The following SERINC3 variants were observed in gnomAD, a reference collection of about 807,000 sequenced individuals.
SERINC3 encodes tumor differentially expressed protein 1.
A neutral mutation model predicts 52.1 loss-of-function variants in SERINC3; 22 were observed. The observed-to-expected ratio is 0.42, with a 90% CI of 0.30 to 0.60. SERINC3 has a LOEUF of 0.60. SERINC3 is among the 20% of genes least tolerant of loss of function. SERINC3 has a pLI of 0.16. For missense variants in SERINC3, 564 were observed against 584.6 expected (o/e 0.96, Z 0.36); for synonymous variants, 226 against 212.7 (o/e 1.06, Z -0.54).
rs1401582560 is a variant in SERINC3, at chr20:44,512,733, A to G, written c.395+68T>C. 5 of 1,244,470 alleles carry G rather than the reference A, an allele frequency of 4.0e-6. No individual in the cohort carries two copies. The South Asian group carries it at 7.6e-5, about 19-fold the overall frequency. 77.1% of individuals were successfully genotyped at this position (1,244,470 alleles called of 1,614,324 possible). ...TTCCATTGATTTCATCAGAATGGCT[A>G]TATTAACTGCTGAAGGGAAGGAAGA... On this transcript the variant is annotated intron_variant, in intron 3 of 9. Transcript: ENST00000342374.
At chr20:44,508,423 G>GT (rs2064328102) in intron 5 of SERINC3, among the ~76,000 whole-genome samples, 1 of 151,770 alleles carries the variant, frequency 6.6e-6, no homozygotes, top group South Asian at 2.1e-4. Flanking sequence ...CTTGAGCCAG[G>GT]AAGGCAGAGG....
intron 1 of SERINC3, among the ~76,000 whole-genome samples, chr20:44,514,982 A>G (rs992357361): frequency 1.3e-5 from 2 of 152,234 alleles, no homozygotes; most frequent in Non-Finnish European, 2.9e-5. Flanking sequence ...TATTCACAGC[A>G]CCACTATTTA....
chr20:44,512,289 G>T (rs1428317523), intron 3 of SERINC3, among the ~76,000 whole-genome samples: 1 of 149,646 alleles, frequency 6.7e-6, no homozygotes, highest in Non-Finnish European at 1.5e-5. Context: ...CTCCAGCCTG[G>T]GTGACAAGAG....
At chr20:44,515,199 CA>C (rs1380964875) in intron 1 of SERINC3, among the ~76,000 whole-genome samples, 1 of 151,838 alleles carries the variant, frequency 6.6e-6, no homozygotes. Flanking sequence ...ACTAAAAATA[CA>C]AAAATTATCC....
At position 44,499,362 on chromosome 20, in the gene SERINC3, C is replaced by A. The variant is rs6606; in HGVS notation, c.*934G>T. The A allele has an allele frequency of 6.6e-6, 1 of 152,156 alleles. No homozygotes were observed. The highest frequency in any genetic ancestry group is 2.1e-4 in the South Asian group (1 of 4,824). 9.4% of individuals were successfully genotyped at this position (152,156 alleles called of 1,614,324 possible). A position where few individuals can be genotyped will look rare whatever the true frequency, so the allele number is the denominator to read the frequency against. ...TCAAGACTTTGCTCACTAGTCAGAC[C>A]GTAATTTTTAGAAGGAATAGGAGCA... On this transcript the variant is annotated 3_prime_UTR_variant, in exon 10 of 10. Coordinates refer to ENST00000342374, the MANE Select transcript of SERINC3 (RefSeq NM_006811.4).
intron 1 of SERINC3, chr20:44,519,384 C>T: frequency 1.0e-6 from 1 of 977,778 alleles, no homozygotes; most frequent in Non-Finnish European, 1.2e-6. Flanking sequence ...GCGTGAGCCA[C>T]CATGCCTGGC....
intron 9 of SERINC3, 39 bp downstream of exon 9, chr20:44,501,034 G>T (rs754015801): frequency 1.2e-5 from 18 of 1,474,292 alleles, no homozygotes; most frequent in Non-Finnish European, 1.4e-5. Context: ...CCATCCAAGG[G>T]TTTTATGGTC....
intron 3 of SERINC3, 43 bp from the exon 4 acceptor site, chr20:44,511,411 C>A (rs1319651717): frequency 8.0e-7 from 1 of 1,255,448 alleles, no homozygotes; most frequent in African/African-American, 1.5e-5. Flanking sequence ...CTAAGTTTCA[C>A]CCTTATACTG....
Position 44,511,319 on chromosome 20 carries a change from A to G in SERINC3, c.445T>C (p.Phe149Leu), listed in dbSNP as rs1275224382. 6.2e-7 allele frequency: 1 copy of G among 1,613,352 alleles called. No individual in the cohort carries two copies. Among genetic ancestry groups the G allele is most frequent in the Admixed American group, 1.7e-5 (1 of 60,016 alleles). The change falls in exon 4 of 10, where the codon TTC becomes CTC. Residue 149 changes from phenylalanine to leucine, a missense_variant. By Grantham distance (22) the Phe-to-Leu change is conservative. Coordinates refer to ENST00000342374, the MANE Select transcript of SERINC3 (RefSeq NM_006811.4). ...AALIGIMVGS[F>L]YIPGGYFSSV... ...CTGAAATAGCCCCCAGGGATGTAGA[A>G]AGAGCCAACCATGATTCCAATAAGG... is the stretch of plus-strand genomic sequence containing the variant.
At chr20:44,497,120 C>G (rs549856879), downstream of SERINC3, among the ~76,000 whole-genome samples, 205 of 152,298 alleles carry the variant, frequency 1.3e-3, no homozygotes, top group Non-Finnish European at 2.7e-3. Context: ...AACCCGCATT[C>G]CCCAAGGCTA....
At chr20:44,510,731 A>G (rs1365295742) in intron 4 of SERINC3, among the ~76,000 whole-genome samples, 2 of 151,890 alleles carry the variant, frequency 1.3e-5, no homozygotes, top group Non-Finnish European at 2.9e-5. Flanking sequence ...GAACTGCTTG[A>G]ACCCAGGAGG....
chr20:44,516,243 A>G (rs1444433009), intron 1 of SERINC3, among the ~76,000 whole-genome samples: 2 of 152,000 alleles, frequency 1.3e-5, no homozygotes, highest in Non-Finnish European at 2.9e-5. Flanking sequence ...CCAAGGTTGC[A>G]GTGAGCCAAG....
chr20:44,503,948 C>T lies in SERINC3; in HGVS notation c.922G>A (p.Ala308Thr). The T allele has an allele frequency of 1.9e-6, 3 of 1,603,350 alleles. No individual in the cohort carries two copies. The highest frequency in any genetic ancestry group is 2.5e-6 in the Non-Finnish European group (3 of 1,176,896). The change falls in exon 8 of 10, where the codon GCA becomes ACA. Residue 308 changes from alanine (A) to threonine (T), a missense_variant. Ala to Thr is a moderately conservative substitution (Grantham distance 58). Transcript: ENST00000342374. ...NLMSFITRIT[A>T]PTLAPGNSTA... ...GAATTTCCAGGAGCCAGGGTTGGTG[C>T]AGTTATGCGTGTAATAAAGCTCATC...
chr20:44,502,603 A>C (rs966031972), intron 8 of SERINC3, among the ~76,000 whole-genome samples: 11 of 150,448 alleles, frequency 7.3e-5, no homozygotes, highest in East Asian at 3.9e-4. Context: ...AAAAAAAAAA[A>C]ACACAAAAAT....
At chr20:44,512,563 A>G (rs2123058823) in intron 3 of SERINC3, among the ~76,000 whole-genome samples, 1 of 152,308 alleles carries the variant, frequency 6.6e-6, no homozygotes, top group East Asian at 1.9e-4. Context: ...ATCTAAGAAC[A>G]TGAAGCAAAG....
In SERINC3 at chr20:44,519,622, T is replaced by C. The variant is rs529718684; in HGVS notation, c.39+2291A>G. Among the ~76,000 whole-genome samples the C allele has an allele frequency of 4.6e-5, 7 of 152,180 alleles. No homozygotes were observed. In the South Asian group the frequency reaches 1.5e-3, roughly 32 times the overall value. On this transcript the variant is annotated intron_variant, in intron 1 of 9. Coordinates refer to ENST00000342374, the MANE Select transcript of SERINC3 (RefSeq NM_006811.4). ...TTAGGACCAACAACCTTAAAATACA[T>C]TCTGTTCCTAAGAAATAGTGGAATG...
Position 44,504,074 on chromosome 20 carries a change from A to G in SERINC3, c.875-79T>C, listed in dbSNP as rs373506067. On this transcript the variant is annotated intron_variant, in intron 7 of 9. Transcript: ENST00000342374. ...AAAGAACTTGAGGAGTTCCCTACATATCATTCAGTCATGATGTGAAACATG... is the reference window on the plus strand; with the variant it reads ...AAAGAACTTGAGGAGTTCCCTACATGTCATTCAGTCATGATGTGAAACATG... 1.2e-4 allele frequency: 146 copies of G among 1,193,042 alleles called. No homozygotes were observed. The African/African-American group carries it at 2.0e-3, about 16-fold the overall frequency. The allele number at this position is 1,193,042 out of a possible 1,614,324, so 73.9% of individuals were successfully genotyped here.
chr20:44,504,468 C>T (rs578142186), intron 7 of SERINC3, among the ~76,000 whole-genome samples: 24 of 152,290 alleles, frequency 1.6e-4, no homozygotes, highest in African/African-American at 4.8e-4. Flanking sequence ...GTTTCTTCTA[C>T]AGCCTGTGAC....
intron 6 of SERINC3, 26 bp from the exon 7 acceptor site, chr20:44,504,917 G>A: frequency 1.3e-6 from 2 of 1,589,550 alleles, no homozygotes; most frequent in Non-Finnish European, 1.7e-6. Flanking sequence ...GAAAACAGTG[G>A]CACAGGGACT....
Sources: allele counts gnomAD v4.1 joint callset (sites outside exome capture counted in the v4.1 genomes callset), GRCh38; gene constraint gnomAD v4.1.1; transcripts MANE v1.5; gene names NCBI Gene and HGNC (gene_info 2026-07-23, HGNC 2026-07-21).